Variants in TMEM94 observed in about 807,000 individuals in gnomAD.
TMEM94 encodes transmembrane protein 94.
Under a neutral mutation model 158.6 loss-of-function variants are expected in TMEM94, and 81 were observed. That is an observed-to-expected ratio of 0.51 (90% CI 0.43 to 0.61). The LOEUF (loss-of-function observed/expected upper bound fraction) is 0.61. Among genes scored for constraint, TMEM94 ranks in the 20% least tolerant of loss-of-function variants. The pLI is 0.00. For synonymous variants in TMEM94, 751 were observed against 730.7 expected (o/e 1.03, Z -0.45); for missense variants, 1,435 against 1,762.0 (o/e 0.81, Z 3.32).
At chr17:75,486,114 T>C in intron 4 of TMEM94, 116 bp downstream of exon 4, 2 of 1,441,060 alleles carry the variant, frequency 1.4e-6, no homozygotes, top group East Asian at 2.3e-5. Flanking sequence ...TCCTGGGATG[T>C]AAGGGAACCT....
chr17:75,478,177 G>A (rs1157837183), intron 2 of TMEM94, among the ~76,000 whole-genome samples: 3 of 226 alleles, frequency 0.013, no homozygotes, highest in Admixed American at 0.068. Context: ...CACTACGCCC[G>A]GCTAATTTTT....
intron 10 of TMEM94, 100 bp from the exon 11 acceptor site, chr17:75,490,602 T>A: frequency 8.8e-7 from 1 of 1,138,668 alleles, no homozygotes; most frequent in Admixed American, 1.9e-5. Flanking sequence ...CCAAAGGGGT[T>A]GGGAGCCCCG....
At chr17:75,470,458 C>A (rs2050454984) in intron 1 of TMEM94, among the ~76,000 whole-genome samples, 2 of 152,182 alleles carry the variant, frequency 1.3e-5, no homozygotes, top group South Asian at 2.1e-4. Flanking sequence ...GTAATCCCAG[C>A]ACTTTGGGAG....
At chr17:75,481,187 G>A (rs185778416) in intron 2 of TMEM94, among the ~76,000 whole-genome samples, 11 of 152,364 alleles carry the variant, frequency 7.2e-5, no homozygotes, top group South Asian at 6.2e-4. Flanking sequence ...GCATTCATTT[G>A]CCCTGGACCA....
In TMEM94 at chr17:75,466,109, G is replaced by GT. The variant is rs1462348325; in HGVS notation, c.-106-5685dup. On this transcript the variant is annotated intron_variant, in intron 1 of 31. Coordinates refer to ENST00000314256, the MANE Select transcript of TMEM94 (RefSeq NM_014738.6). Reference sequence around the variant, plus strand: ...AAAGTTGCTGTCTTTTATAGTTTATGTTTTTTATGTTTTAAGAAATCTTTG... The same window carrying GT: ...AAAGTTGCTGTCTTTTATAGTTTATGTTTTTTTATGTTTTAAGAAATCTTTG... Among the ~76,000 whole-genome samples the GT allele has an allele frequency of 7.2e-5, 11 of 152,104 alleles. No homozygotes were observed. In the East Asian group the frequency reaches 2.1e-3, roughly 29 times the overall value.
chr17:75,493,757 G>C lies in TMEM94; in HGVS notation c.2248G>C (p.Ala750Pro), dbSNP rs1245404619. The C allele has an allele frequency of 1.2e-6, 2 of 1,613,966 alleles. No homozygotes were observed. The highest frequency in any genetic ancestry group is 1.1e-5 in the South Asian group (1 of 91,082). The change falls in exon 18 of 32, where the codon GCC becomes CCC. Residue 750 changes from alanine (A) to proline (P), a missense_variant. By Grantham distance (27) the Ala-to-Pro change is conservative. Transcript: ENST00000314256. ...CCTGTCTGGGTATTGCTCTGCCTTC[G>C]CCTACAAGCCCATGAACTGCGCCCT... Reference protein sequence around the residue: ...ACLSGYCSAFAYKPMNCALSS... With the variant: ...ACLSGYCSAFPYKPMNCALSS...
chr17:75,498,228 C>T lies in TMEM94; in HGVS notation c.3543C>T (p.Ser1181=), dbSNP rs777524981. The change falls in exon 28 of 32, where the codon AGC becomes AGT. Residue 1181 remains serine (S), a synonymous_variant. Transcript: ENST00000314256. The surrounding 1 kb of genome is among the most constrained non-coding windows in gnomAD (Gnocchi z 6.7). ...CFLLKFSLTI[S]SCLICFGFTL... ...TGCTCAAGTTCAGCCTCACCATCAGCTCCTGCCTCATCTGCTTTGGCTTCA... is the reference window on the plus strand; with the variant it reads ...TGCTCAAGTTCAGCCTCACCATCAGTTCCTGCCTCATCTGCTTTGGCTTCA... 1 of 1,613,958 alleles carries T rather than the reference C, an allele frequency of 6.2e-7. No individual in the cohort carries two copies. The highest frequency in any genetic ancestry group is 8.5e-7 in the Non-Finnish European group (1 of 1,180,026).
chr17:75,495,527 ATC>A lies in TMEM94; in HGVS notation c.2845-13_2845-12del, dbSNP rs761896862. The A allele has an allele frequency of 1.6e-5, 26 of 1,612,894 alleles. No individual in the cohort carries two copies. In the East Asian group the frequency reaches 4.9e-4, roughly 30 times the overall value. On this transcript the variant is annotated splice_polypyrimidine_tract_variant and intron_variant, in intron 21 of 31. Coordinates refer to ENST00000314256, the MANE Select transcript of TMEM94 (RefSeq NM_014738.6). The surrounding 1 kb of genome is among the most constrained non-coding windows in gnomAD (Gnocchi z 5.6). The stretch of plus-strand genomic sequence containing the variant: ...TGATCCCCATCCCGAAGCCGCTGGC[ATC>A]TCTGCTTTCTCCAGGCCAAGCTGCC...
Position 75,495,537 on chromosome 17 carries a change from T to C in TMEM94, c.2845-7T>C. 1.9e-6 allele frequency: 3 copies of C among 1,613,260 alleles called. No homozygotes were observed. Among genetic ancestry groups the C allele is most frequent in the Non-Finnish European group, 2.5e-6 (3 of 1,179,862 alleles). On this transcript the variant is annotated splice_region_variant and splice_polypyrimidine_tract_variant and intron_variant, in intron 21 of 31. Coordinates refer to ENST00000314256, the MANE Select transcript of TMEM94 (RefSeq NM_014738.6). This position sits in a 1 kb window ranked among gnomAD's most constrained non-coding sequence, Gnocchi z 5.6. ...CCCGAAGCCGCTGGCATCTCTGCTT[T>C]CTCCAGGCCAAGCTGCCCCGGGGTA...
intron 5 of TMEM94, among the ~76,000 whole-genome samples, chr17:75,486,808 G>T (rs1023145277): frequency 1.2e-4 from 19 of 152,184 alleles, no homozygotes; most frequent in Non-Finnish European, 2.6e-4. Context: ...AGACATACCT[G>T]CAGGAATTGG....
intron 4 of TMEM94, 94 bp from the exon 5 acceptor site, chr17:75,486,196 G>A: frequency 6.4e-7 from 1 of 1,555,562 alleles, no homozygotes; most frequent in Non-Finnish European, 8.7e-7. Flanking sequence ...CTTTCCACAA[G>A]GGACTGGGGT....
chr17:75,459,258 A>G (rs2049992223), intron 1 of TMEM94, among the ~76,000 whole-genome samples: 1 of 152,150 alleles, frequency 6.6e-6, no homozygotes, highest in South Asian at 2.1e-4. Flanking sequence ...GAGTAGTGCA[A>G]TGACCAGGGA....
chr17:75,486,987 G>T (rs2051679986), intron 5 of TMEM94, among the ~76,000 whole-genome samples: 1 of 152,156 alleles, frequency 6.6e-6, no homozygotes, highest in African/African-American at 2.4e-5. Context: ...CTGTCCAGGG[G>T]CATGTGGTGC....
Position 75,489,424 on chromosome 17 carries a change from G to A in TMEM94, c.867+56G>A, listed in dbSNP as rs1013408836. 186 of 1,552,232 alleles carry A rather than the reference G, an allele frequency of 1.2e-4. No individual in the cohort carries two copies. The highest frequency in any genetic ancestry group is 1.3e-4 in the Non-Finnish European group (151 of 1,124,748). On this transcript the variant is annotated intron_variant, in intron 8 of 31. Transcript: ENST00000314256. The surrounding 1 kb of genome is among the most constrained non-coding windows in gnomAD (Gnocchi z 5.0). ...TGGGGCAGAGGAGAGGGCTGGACAC[G>A]GGGGGGTCTCAGGGCCACTCACATG...
At chr17:75,483,252 A>G (rs2051316251) in intron 2 of TMEM94, among the ~76,000 whole-genome samples, 1 of 152,134 alleles carries the variant, frequency 6.6e-6, no homozygotes, top group African/African-American at 2.4e-5. Flanking sequence ...TTTTAAGGGT[A>G]AATAGGTCAT....
At chr17:75,475,021 G>A (rs563944901) in intron 2 of TMEM94, among the ~76,000 whole-genome samples, 127 of 152,278 alleles carry the variant, frequency 8.3e-4, no homozygotes, top group Middle Eastern at 3.4e-3. Context: ...CCTGTGTGCT[G>A]TTCTTTTTGG....
intron 2 of TMEM94, among the ~76,000 whole-genome samples, chr17:75,482,431 C>T (rs993601196): frequency 7.9e-5 from 12 of 152,038 alleles, no homozygotes; most frequent in African/African-American, 1.2e-4. Context: ...TCGCTGGAGC[C>T]TGAGAGGTGT....
intron 31 of TMEM94, 43 bp from the exon 32 acceptor site, chr17:75,499,219 A>G: frequency 6.2e-7 from 1 of 1,610,994 alleles, no homozygotes; most frequent in Non-Finnish European, 8.5e-7. Context: ...CCCCTGGTCT[A>G]AGGATCTTTG....
chr17:75,470,292 C>T lies in TMEM94; in HGVS notation c.-106-1508C>T, dbSNP rs149333890. 2.0e-3 allele frequency among the ~76,000 whole-genome samples: 301 copies of T among 151,728 alleles called. 3 individuals are homozygous for T. The South Asian group carries it at 0.024, about 12-fold the overall frequency. On this transcript the variant is annotated intron_variant, in intron 1 of 31. Coordinates refer to ENST00000314256, the MANE Select transcript of TMEM94 (RefSeq NM_014738.6). Reference sequence around the variant, plus strand: ...GTCAAGACCAACCTGGGCAACATAGCAAGACCCCTTCTCCACACAAAATTA... The same window carrying T: ...GTCAAGACCAACCTGGGCAACATAGTAAGACCCCTTCTCCACACAAAATTA...
Sources: gnomAD v4.1 joint callset for allele counts (sites outside exome capture counted in the v4.1 genomes callset) on GRCh38, gnomAD v4.1.1 for gene constraint, Gnocchi (gnomAD v3.1) non-coding constraint, MANE v1.5 for transcripts, NCBI Gene and HGNC (gene_info 2026-07-23, HGNC 2026-07-21) for gene names.